Variants in PPP1R12A observed in about 807,000 individuals in gnomAD.
PPP1R12A encodes protein phosphatase 1 regulatory subunit 12A.
Under a neutral mutation model 139.6 loss-of-function variants are expected in PPP1R12A, and 19 were observed. That is an observed-to-expected ratio of 0.14 (90% CI 0.09 to 0.20). The LOEUF is 0.20. Among genes scored for constraint, PPP1R12A ranks in the 10% least tolerant of loss-of-function variants. The pLI, the probability that PPP1R12A is intolerant of heterozygous loss-of-function variation, is 1.00. For synonymous variants in PPP1R12A, 427 were observed against 420.6 expected, an observed-to-expected ratio of 1.02 and a Z score of -0.19; for missense variants, 925 against 1,211.5, an observed-to-expected ratio of 0.76 and a Z score of 3.51.
intron 9 of PPP1R12A, among the ~76,000 whole-genome samples, chr12:79,812,852 T>C (rs1337738290): frequency 6.6e-6 from 1 of 152,186 alleles, no homozygotes; most frequent in East Asian, 1.9e-4. Flanking sequence ...ACAATTATGT[T>C]AGACCTTCTC....
At chr12:79,815,173 A>T (rs755898798) in intron 9 of PPP1R12A, among the ~76,000 whole-genome samples, 4 of 152,188 alleles carry the variant, frequency 2.6e-5, no homozygotes, top group Non-Finnish European at 5.9e-5. Context: ...GAAAAAGAAA[A>T]TTGAACACAG....
chr12:79,902,837 T>G (rs1283378406), intron 1 of PPP1R12A, among the ~76,000 whole-genome samples: 2 of 152,168 alleles, frequency 1.3e-5, no homozygotes, highest in Admixed American at 1.3e-4. Flanking sequence ...ATTCCACACC[T>G]GACCTTATGT....
At chr12:79,784,617 T>C (rs1047801660) in intron 22 of PPP1R12A, among the ~76,000 whole-genome samples, 5 of 152,058 alleles carry the variant, frequency 3.3e-5, no homozygotes, top group Non-Finnish European at 7.4e-5. Context: ...CAGAACACTA[T>C]AGTAGGGAGC....
chr12:79,823,113 T>G (rs979298444), intron 5 of PPP1R12A, among the ~76,000 whole-genome samples: 7 of 152,298 alleles, frequency 4.6e-5, no homozygotes, highest in Admixed American at 4.6e-4. Flanking sequence ...TTTAATTCAC[T>G]GTGAAAGAGA....
intron 22 of PPP1R12A, among the ~76,000 whole-genome samples, chr12:79,783,295 CA>C (rs5799441): frequency 3.3e-4 from 39 of 117,070 alleles, no homozygotes; most frequent in Admixed American, 4.6e-4. Flanking sequence ...CCGTCTCTAC[CA>C]AAAAAAAAAA....
At chr12:79,935,215 G>T, upstream of PPP1R12A, 1 of 1,292,390 alleles carries the variant, frequency 7.7e-7, no homozygotes, top group Non-Finnish European at 9.8e-7. Flanking sequence ...TCCGGACTGG[G>T]AGGCGCCCTT....
chr12:79,817,556 T>C lies in PPP1R12A; in HGVS notation c.1115-38A>G, dbSNP rs1215755469. On this transcript the variant is annotated intron_variant, in intron 8 of 24. Coordinates refer to ENST00000450142, the MANE Select transcript of PPP1R12A (RefSeq NM_002480.3). ...AACAATTAAGAGTCAAGATTCCATA[T>C]ATATTTGGTCTCAATGGCTGGGAAA... is the stretch of plus-strand genomic sequence containing the variant. 1.2e-5 allele frequency: 19 copies of C among 1,537,464 alleles called. No homozygotes were observed. In the East Asian group the frequency reaches 4.6e-4, roughly 37 times the overall value.
chr12:79,904,839 T>C (rs1292092844), intron 1 of PPP1R12A, among the ~76,000 whole-genome samples: 1 of 152,148 alleles, frequency 6.6e-6, no homozygotes, highest in African/African-American at 2.4e-5. Context: ...GTGTGTGGTG[T>C]AGAAGTAAAG....
chr12:79,929,898 T>C (rs1888122784), intron 1 of PPP1R12A, among the ~76,000 whole-genome samples: 1 of 152,178 alleles, frequency 6.6e-6, no homozygotes, highest in African/African-American at 2.4e-5. Flanking sequence ...AAGTATCTGA[T>C]GCGAAGGTTT....
intron 1 of PPP1R12A, among the ~76,000 whole-genome samples, chr12:79,880,971 T>C (rs1036033501): frequency 2.6e-5 from 4 of 152,160 alleles, no homozygotes; most frequent in Non-Finnish European, 5.9e-5. Context: ...TCTGTGATGT[T>C]ACTATTTCAA....
chr12:79,800,523 T>C (rs1872984430), intron 14 of PPP1R12A, among the ~76,000 whole-genome samples: 2 of 152,182 alleles, frequency 1.3e-5, no homozygotes, highest in South Asian at 2.1e-4. Flanking sequence ...TGGCAGTCAA[T>C]GGTAGGCTAT....
At chr12:79,776,671 A>T (rs1282116310) in intron 24 of PPP1R12A, among the ~76,000 whole-genome samples, 1 of 152,164 alleles carries the variant, frequency 6.6e-6, no homozygotes, top group Non-Finnish European at 1.5e-5. Flanking sequence ...ACCAATTTTG[A>T]AGCAAATAGC....
intron 1 of PPP1R12A, among the ~76,000 whole-genome samples, chr12:79,910,496 A>C (rs1009512003): frequency 2.6e-4 from 32 of 121,306 alleles, no homozygotes; most frequent in Admixed American, 4.2e-4. Context: ...TAAATAAATA[A>C]ATAGAACCTT....
chr12:79,789,919 A>G (rs1229641849), intron 20 of PPP1R12A, among the ~76,000 whole-genome samples: 1 of 151,856 alleles, frequency 6.6e-6, no homozygotes, highest in African/African-American at 2.4e-5. Flanking sequence ...AGCTAGAAAT[A>G]GAGGAGCATA....
chr12:79,927,138 T>A (rs1290455474), intron 1 of PPP1R12A, among the ~76,000 whole-genome samples: 4 of 152,054 alleles, frequency 2.6e-5, no homozygotes, highest in Non-Finnish European at 1.5e-5. Context: ...CAGTGAACTA[T>A]GTTCATGCCA....
Position 79,906,551 on chromosome 12 carries a change from G to T in PPP1R12A, c.237+28144C>A, listed in dbSNP as rs370873443. On this transcript the variant is annotated intron_variant, in intron 1 of 24. Coordinates refer to ENST00000450142, the MANE Select transcript of PPP1R12A (RefSeq NM_002480.3). ...TTAGCCAATATCAGGAAAAAAAGCA[G>T]CTTGCTTTAAATTGCTTATTGTACA... Among the ~76,000 whole-genome samples the T allele has an allele frequency of 2.9e-4, 44 of 152,044 alleles. No homozygotes were observed. In the East Asian group the frequency reaches 7.9e-3, roughly 27 times the overall value.
Position 79,828,539 on chromosome 12 carries a change from T to C in PPP1R12A, c.648-75A>G. On this transcript the variant is annotated intron_variant, in intron 4 of 24. Transcript: ENST00000450142. ...GATCATGATCAAAAGCTATCTATCA[T>C]GCAATTTAACTACAATTTTCAATTA... The C allele has an allele frequency of 3.4e-6, 4 of 1,166,198 alleles. No homozygotes were observed. The South Asian group carries it at 6.2e-5, about 18-fold the overall frequency. 72.2% of individuals were successfully genotyped at this position (1,166,198 alleles called of 1,614,324 possible).
upstream of PPP1R12A, chr12:79,935,116 G>C (rs1407642000): frequency 5.1e-6 from 7 of 1,370,364 alleles, no homozygotes; most frequent in South Asian, 1.7e-5. Flanking sequence ...GCACCCGGCC[G>C]AGCGGACCTC....
At chr12:79,784,686 G>A (rs897881367) in intron 22 of PPP1R12A, among the ~76,000 whole-genome samples, 1 of 151,940 alleles carries the variant, frequency 6.6e-6, no homozygotes, top group Non-Finnish European at 1.5e-5. Context: ...ACCCAGGCTG[G>A]AGTTGCAGTG....
Sources: gnomAD v4.1 joint callset for allele counts (sites outside exome capture counted in the v4.1 genomes callset) on GRCh38, gnomAD v4.1.1 for gene constraint, MANE v1.5 for transcripts, NCBI Gene and HGNC (gene_info 2026-07-23, HGNC 2026-07-21) for gene names.